NEBL: variants seen among roughly 807,000 people sequenced by gnomAD.
The protein encoded by NEBL is nebulette, also known as LIM and SH3 protein 2.
Under a neutral mutation model 140.2 loss-of-function variants are expected in NEBL, and 122 were observed. The ratio of observed to expected loss-of-function variants is 0.87; its 90% CI spans 0.75 to 1.01. The LOEUF is 1.01. NEBL is among the 50% of genes least tolerant of loss of function. The pLI, the probability that NEBL is intolerant of heterozygous loss-of-function variation, is 0.00. For synonymous variants in NEBL, 436 were observed against 398.9 expected (o/e 1.09, Z -1.11); for missense variants, 1,365 against 1,231.3 (o/e 1.11, Z -1.62).
At chr10:21,090,884 T>G (rs1836879649) in intron 2 of NEBL, among the ~76,000 whole-genome samples, 1 of 152,130 alleles carries the variant, frequency 6.6e-6, no homozygotes, top group African/African-American at 2.4e-5. Flanking sequence ...CACCAGCAGA[T>G]CCATGCAGAT....
chr10:20,877,424 G>C (rs1845604297), intron 5 of NEBL, among the ~76,000 whole-genome samples: 1 of 152,222 alleles, frequency 6.6e-6, no homozygotes, highest in African/African-American at 2.4e-5. Context: ...TATTTAGGCA[G>C]ATAGTGAGGG....
chr10:21,210,650 G>A (rs1841900351), intron 3 of NEBL, among the ~76,000 whole-genome samples: 1 of 152,134 alleles, frequency 6.6e-6, no homozygotes, highest in Admixed American at 6.5e-5. Context: ...TATCTTGTAA[G>A]GCCTGTAAAT....
chr10:21,041,960 C>T (rs1325085887), intron 2 of NEBL, among the ~76,000 whole-genome samples: 1 of 152,246 alleles, frequency 6.6e-6, no homozygotes, highest in Admixed American at 6.5e-5. Flanking sequence ...CAATGAGCAG[C>T]GAGGATGACC....
At chr10:21,095,010 C>T (rs146511704) in intron 2 of NEBL, among the ~76,000 whole-genome samples, 40 of 152,294 alleles carry the variant, frequency 2.6e-4, no homozygotes, top group Admixed American at 5.2e-4. Flanking sequence ...GTAGTGTATT[C>T]AAAATCTGAC....
intron 3 of NEBL, among the ~76,000 whole-genome samples, chr10:20,991,349 TG>T (rs1837447317): frequency 6.6e-6 from 1 of 152,202 alleles, no homozygotes; most frequent in African/African-American, 2.4e-5. Flanking sequence ...AAAATTTTTA[TG>T]ACAGTGTTAT....
intron 3 of NEBL, among the ~76,000 whole-genome samples, chr10:21,204,688 C>T (rs1289589806): frequency 4.6e-5 from 7 of 152,152 alleles, no homozygotes; most frequent in Admixed American, 4.6e-4. Context: ...CTCTTTTGTC[C>T]TGAGGGCATC....
chr10:21,163,661 T>C (rs1419810338), intron 2 of NEBL, among the ~76,000 whole-genome samples: 2 of 152,234 alleles, frequency 1.3e-5, no homozygotes, highest in Non-Finnish European at 2.9e-5. Flanking sequence ...TGATGGATAA[T>C]GAGTCTCAGA....
chr10:21,150,348 G>C (rs2132125089), intron 2 of NEBL, among the ~76,000 whole-genome samples: 1 of 152,202 alleles, frequency 6.6e-6, no homozygotes, highest in East Asian at 1.9e-4. Context: ...AATTTAATTT[G>C]CTACTTCCCA....
intron 2 of NEBL, among the ~76,000 whole-genome samples, chr10:21,087,379 A>G (rs1268289414): frequency 6.6e-6 from 1 of 152,136 alleles, no homozygotes; most frequent in Admixed American, 6.5e-5. Flanking sequence ...TTGATGACCC[A>G]AGTTCATTCT....
At chr10:21,111,396 T>C (rs1838007390) in intron 2 of NEBL, among the ~76,000 whole-genome samples, 1 of 152,062 alleles carries the variant, frequency 6.6e-6, no homozygotes, top group Admixed American at 6.5e-5. Context: ...AACAGATATA[T>C]AGACCAATGG....
intron 4 of NEBL, among the ~76,000 whole-genome samples, chr10:20,934,557 T>C (rs569166914): frequency 6.6e-6 from 1 of 152,094 alleles, no homozygotes; most frequent in South Asian, 2.1e-4. Flanking sequence ...CTATCCACGA[T>C]GGGCCCGCTC....
chr10:21,049,032 A>G (rs956159376), intron 2 of NEBL, among the ~76,000 whole-genome samples: 7 of 152,052 alleles, frequency 4.6e-5, no homozygotes, highest in Admixed American at 3.9e-4. Context: ...AAATAAAAAG[A>G]CTGTCTAGAA....
Position 20,840,861 on chromosome 10 carries a change from G to C in NEBL, c.1228-12C>G. 1.4e-6 allele frequency: 2 copies of C among 1,434,400 alleles called. No individual in the cohort carries two copies. Among genetic ancestry groups the C allele is most frequent in the South Asian group, 2.3e-5 (2 of 86,620 alleles). 88.9% of individuals were successfully genotyped at this position (1,434,400 alleles called of 1,614,324 possible). On this transcript the variant is annotated splice_polypyrimidine_tract_variant and intron_variant, in intron 12 of 27. Transcript: ENST00000377122. ...TTTTTATATTCTTTCTATGAGACAA[G>C]AATATCACAGTTCAAAACTTAGCAG...
chr10:21,120,374 C>CAAAAAAAAAAAAAAAAAAA (rs1157067083), intron 2 of NEBL, among the ~76,000 whole-genome samples: 3 of 48,400 alleles, frequency 6.2e-5, no homozygotes, highest in African/African-American at 2.8e-4. Context: ...GACTGTGTCT[C>CAAAAAAAAAAAAAAAAAAA]AAAAAAAAAA....
chr10:21,107,191 T>C (rs994603103), intron 2 of NEBL, among the ~76,000 whole-genome samples: 4 of 152,230 alleles, frequency 2.6e-5, no homozygotes, highest in African/African-American at 4.8e-5. Context: ...TCTTGCCTGA[T>C]TGCCCTAACC....
At chr10:21,184,456 C>A (rs1025603985) in intron 3 of NEBL, among the ~76,000 whole-genome samples, 1 of 152,160 alleles carries the variant, frequency 6.6e-6, no homozygotes, top group South Asian at 2.1e-4. Context: ...GCACGGTACA[C>A]AATGTGCTCA....
intron 2 of NEBL, among the ~76,000 whole-genome samples, chr10:21,160,449 G>T (rs544660082): frequency 6.6e-6 from 1 of 152,150 alleles, no homozygotes; most frequent in Non-Finnish European, 1.5e-5. Context: ...TCTTTCTTTA[G>T]TAGCCTCTGA....
chr10:21,208,181 G>A (rs761254628), intron 3 of NEBL, among the ~76,000 whole-genome samples: 7 of 152,178 alleles, frequency 4.6e-5, no homozygotes, highest in Admixed American at 4.6e-4. Context: ...GATTGGTCAA[G>A]GTAAGATGGA....
intron 20 of NEBL, 118 bp from the exon 21 acceptor site, chr10:20,817,810 AC>A: frequency 1.2e-6 from 1 of 830,758 alleles, no homozygotes; most frequent in Non-Finnish European, 2.1e-6. Context: ...ACAGTTGATT[AC>A]ATCAACCTTC....
Sources: allele counts gnomAD v4.1 joint callset (sites outside exome capture counted in the v4.1 genomes callset), GRCh38; gene constraint gnomAD v4.1.1; transcripts MANE v1.5; gene names NCBI Gene and HGNC (gene_info 2026-07-23, HGNC 2026-07-21).